Variants in NAA35 observed in about 807,000 individuals in gnomAD.
The protein encoded by NAA35 is N-alpha-acetyltransferase 35, NatC auxiliary subunit.
In NAA35, 18 loss-of-function variants were observed where a neutral mutation model predicts 101.7. The observed-to-expected ratio is 0.18, with a 90% CI of 0.12 to 0.26. The LOEUF (loss-of-function observed/expected upper bound fraction) is 0.26. NAA35 is among the 10% of genes least tolerant of loss of function. The pLI is 1.00. For synonymous variants in NAA35, 267 were observed against 273.1 expected, an observed-to-expected ratio of 0.98 and a Z score of 0.22; for missense variants, 601 against 886.8, an observed-to-expected ratio of 0.68 and a Z score of 4.09.
rs1194204923 is a variant in NAA35 at position 85,969,844 on chromosome 9, A to G, written c.517-5123A>G. Among the ~76,000 whole-genome samples the G allele has an allele frequency of 2.0e-5, 3 of 151,576 alleles. No homozygotes were observed. In the East Asian group the frequency reaches 5.8e-4, roughly 29 times the overall value. ...CACTCCACTCCAGTCTGGATGGTCA[A>G]ATGACTCTGTCTCTTAAAAAAAAAA... On this transcript the variant is annotated intron_variant, in intron 6 of 22. Coordinates refer to ENST00000361671, the MANE Select transcript of NAA35 (RefSeq NM_024635.4).
At chr9:85,955,343 TATATATATATATA>T (rs1564287967) in intron 2 of NAA35, among the ~76,000 whole-genome samples, 24 of 68,866 alleles carry the variant, frequency 3.5e-4, no homozygotes, top group African/African-American at 1.5e-3. Context: ...TATATATATA[TATATATATATATA>T]TATATTTTTT....
In NAA35 at chr9:85,944,493, G is replaced by A. The variant is rs1446218871; in HGVS notation, c.124+2210G>A. ...GGCCTTGACAGAATGGACTAGAAGG[G>A]TAACATATGAGAACAAATAAGTTCA... On this transcript the variant is annotated intron_variant, in intron 2 of 22. Coordinates refer to ENST00000361671, the MANE Select transcript of NAA35 (RefSeq NM_024635.4). Among the ~76,000 whole-genome samples the A allele has an allele frequency of 3.9e-5, 6 of 152,206 alleles. No individual in the cohort carries two copies. In the East Asian group the frequency reaches 9.6e-4, roughly 24 times the overall value.
chr9:86,019,809 G>C (rs1832432786), intron 21 of NAA35, among the ~76,000 whole-genome samples: 1 of 152,112 alleles, frequency 6.6e-6, no homozygotes, highest in Non-Finnish European at 1.5e-5. Flanking sequence ...TGCTTTTTGG[G>C]ATTTATATAG....
chr9:85,989,774 A>G (rs1169464704), intron 11 of NAA35, among the ~76,000 whole-genome samples: 1 of 152,198 alleles, frequency 6.6e-6, no homozygotes, highest in Non-Finnish European at 1.5e-5. Flanking sequence ...ACTAAATATA[A>G]TGTAACATAA....
Position 85,962,151 on chromosome 9 carries a change from A to G in NAA35, c.487A>G (p.Lys163Glu). Residue 163 changes from lysine (K) to glutamate (E), a missense_variant, in exon 6 of 23, where the codon AAA becomes GAA. Around this residue, in one of 8 missense-constraint regions of NAA35, gnomAD observed 86 missense variants for 169.4 expected, o/e 0.51. Coordinates refer to ENST00000361671, the MANE Select transcript of NAA35 (RefSeq NM_024635.4). ...GAAAATCTGTGACATTGCAAGGGAA[A>G]AAGTAAATAAAGCTGCTGTTTTTGA... ...ILKICDIARE[K>E]VNKAAVFEEE... 6.2e-7 allele frequency: 1 copy of G among 1,613,962 alleles called. No homozygotes were observed.
chr9:85,976,664 T>C (rs1830226543), intron 8 of NAA35, 21 bp from the exon 9 acceptor site: 1 of 1,558,770 alleles, frequency 6.4e-7, no homozygotes, highest in African/African-American at 1.4e-5. Context: ...TGTGTTTAAT[T>C]CACCTTTTTT....
intron 2 of NAA35, among the ~76,000 whole-genome samples, chr9:85,943,497 A>G (rs748466427): frequency 2.7e-4 from 41 of 152,262 alleles, no homozygotes; most frequent in Non-Finnish European, 5.1e-4. Context: ...GCAGGTGGAA[A>G]GGGAGCCAGC....
intron 11 of NAA35, among the ~76,000 whole-genome samples, chr9:85,991,533 G>A (rs376525242): frequency 4.6e-5 from 7 of 152,260 alleles, no homozygotes; most frequent in Middle Eastern, 3.4e-3. Context: ...AAGTAGAAAG[G>A]TGGCTCCATG....
intron 1 of NAA35, chr9:85,941,904 A>G: frequency 6.7e-6 from 8 of 1,194,132 alleles, no homozygotes; most frequent in Non-Finnish European, 8.3e-6. Context: ...TTCTTCTTAA[A>G]CAGTAGGAAG....
At chr9:86,000,343 A>G (rs1021641273) in intron 12 of NAA35, among the ~76,000 whole-genome samples, 5 of 152,182 alleles carry the variant, frequency 3.3e-5, no homozygotes, top group African/African-American at 9.7e-5. Flanking sequence ...AATCAAAGAT[A>G]TTGGCCTGAA....
chr9:85,978,330 C>G lies in NAA35; in HGVS notation c.826C>G (p.His276Asp). Reference sequence around the variant, plus strand: ...AGCAGCAGATCTTCTTTCTGCCATTCATAATTCATTGCATCATGGCATCCA... The same window carrying G: ...AGCAGCAGATCTTCTTTCTGCCATTGATAATTCATTGCATCATGGCATCCA... The part of the protein sequence containing the change: ...VQAADLLSAI[H>D]NSLHHGIQAQ... The change falls in exon 11 of 23, where the codon CAT (histidine) becomes GAT (aspartate). Residue 276 changes from histidine to aspartate, a missense_variant. His to Asp is a moderately conservative substitution (Grantham distance 81). This residue lies in a region of NAA35 where 190 missense variants were observed against 223.1 expected (regional missense o/e 0.85). Transcript: ENST00000361671. 6.2e-7 allele frequency: 1 copy of G among 1,613,390 alleles called. No individual in the cohort carries two copies. Among genetic ancestry groups the G allele is most frequent in the Non-Finnish European group, 8.5e-7 (1 of 1,179,486 alleles).
intron 12 of NAA35, among the ~76,000 whole-genome samples, chr9:85,999,798 A>G (rs1831336346): frequency 1.3e-5 from 2 of 152,242 alleles, no homozygotes; most frequent in South Asian, 2.1e-4. Context: ...TCCAAGTCCA[A>G]ATATTAAAAT....
intron 14 of NAA35, among the ~76,000 whole-genome samples, chr9:86,007,946 A>G (rs1200497265): frequency 6.6e-6 from 1 of 152,200 alleles, no homozygotes; most frequent in Non-Finnish European, 1.5e-5. Flanking sequence ...TTCTATCACA[A>G]ATTACTTCAT....
rs1173706353 is a variant in NAA35 at position 85,955,327 on chromosome 9, CATATATATATATATAT to C, written c.125-1014_125-999del. Among the ~76,000 whole-genome samples, 10 of 82,864 alleles carry C rather than the reference CATATATATATATATAT, an allele frequency of 1.2e-4. No homozygotes were observed. In the South Asian group the frequency reaches 1.6e-3, roughly 13 times the overall value. 54.4% of individuals were successfully genotyped at this position (82,864 alleles called of 152,430 possible). A position where few individuals can be genotyped will look rare whatever the true frequency, so the allele number is the denominator to read the frequency against. The stretch of plus-strand genomic sequence containing the variant: ...TCCACAGGATTTAGCCATCTATATA[CATATATATATATATAT>C]ATATATATATATATATATTTTTTTT... On this transcript the variant is annotated intron_variant, in intron 2 of 22. Coordinates refer to ENST00000361671, the MANE Select transcript of NAA35 (RefSeq NM_024635.4).
intron 6 of NAA35, 28 bp from the exon 7 acceptor site, chr9:85,974,939 T>C (rs1338492526): frequency 1.3e-6 from 2 of 1,557,400 alleles, no homozygotes; most frequent in African/African-American, 1.4e-5. Context: ...TTGCTATTCA[T>C]GAGCCTGATT....
chr9:85,951,252 A>G (rs1259039046), intron 2 of NAA35, among the ~76,000 whole-genome samples: 1 of 152,196 alleles, frequency 6.6e-6, no homozygotes, highest in Non-Finnish European at 1.5e-5. Context: ...AGAGTTTGAC[A>G]TTTTTGCAAA....
chr9:85,977,220 C>G, intron 9 of NAA35, 143 bp from the exon 10 acceptor site: 1 of 657,406 alleles, frequency 1.5e-6, no homozygotes, highest in Non-Finnish European at 2.7e-6. Context: ...GCTCATTTTT[C>G]AGGCTTTTAA....
rs73474724 is a variant in NAA35, at chr9:85,970,794, C to T, written c.517-4173C>T. ...TAAAGGAGGTTAGAGACATGAATTT[C>T]TGTATTTGGTAATTGTACTGTGATT... On this transcript the variant is annotated intron_variant, in intron 6 of 22. Transcript: ENST00000361671. Among the ~76,000 whole-genome samples the T allele has an allele frequency of 8.4e-3, 1,273 of 152,206 alleles. 24 individuals carry two copies. The highest frequency in any genetic ancestry group is 0.03 in the African/African-American group (1,227 of 41,522).
chr9:86,006,060 A>G (rs1831628742), intron 13 of NAA35, among the ~76,000 whole-genome samples: 1 of 151,786 alleles, frequency 6.6e-6, no homozygotes, highest in Admixed American at 6.6e-5. Context: ...AATCCCAGCT[A>G]CTCGGGAGGC....
Sources: gnomAD v4.1 joint callset for allele counts (sites outside exome capture counted in the v4.1 genomes callset) on GRCh38, gnomAD v4.1.1 for gene constraint, gnomAD v4.1.1 regional missense constraint, MANE v1.5 for transcripts, NCBI Gene and HGNC (gene_info 2026-07-23, HGNC 2026-07-21) for gene names.